ACACB: variants seen among roughly 807,000 people sequenced by gnomAD.
The protein encoded by ACACB is acetyl-CoA carboxylase beta, also known as acetyl-CoA carboxylase 2.
Under a neutral mutation model 278.8 loss-of-function variants are expected in ACACB, and 209 were observed. The observed-to-expected ratio is 0.75, with a 90% CI of 0.67 to 0.84. The LOEUF is 0.84. Ranked by LOEUF, ACACB falls within the 40% of genes least tolerant of loss-of-function variation. The pLI, the probability that ACACB is intolerant of heterozygous loss-of-function variation, is 0.00. For synonymous variants in ACACB, 1,174 were observed against 1,285.6 expected, an observed-to-expected ratio of 0.91 and a Z score of 1.86; for missense variants, 2,850 against 3,269.0, an observed-to-expected ratio of 0.87 and a Z score of 3.13.
At chr12:109,116,032 C>T (rs967635968), upstream of ACACB, among the ~76,000 whole-genome samples, 92 of 152,214 alleles carry the variant, frequency 6.0e-4, no homozygotes, top group African/African-American at 1.9e-3. Flanking sequence ...GTAACTGCAG[C>T]GTGTGCTGAA....
In ACACB at chr12:109,264,310, T is replaced by C; in HGVS notation, c.6866T>C (p.Ile2289Thr). 2.5e-6 allele frequency: 4 copies of C among 1,614,114 alleles called. No homozygotes were observed. Among genetic ancestry groups the C allele is most frequent in the Non-Finnish European group, 3.4e-6 (4 of 1,180,018 alleles). The change falls in exon 50 of 53, where the codon ATC becomes ACC. Residue 2289 changes from isoleucine to threonine, a missense_variant. By Grantham distance (89) the Ile-to-Thr change is moderately conservative. Transcript: ENST00000338432. ...LKAREDLLLPIYHQVAVQFAD... is the reference protein window; with the variant it reads ...LKAREDLLLPTYHQVAVQFAD... ...GCTCGCGAGGACCTGCTGCTCCCCA[T>C]CTACCACCAGGTGGCGGTGCAGTTC... is the stretch of plus-strand genomic sequence containing the variant.
At chr12:109,256,326 T>A in intron 45 of ACACB, 90 bp downstream of exon 45, 1 of 994,664 alleles carries the variant, frequency 1.0e-6, no homozygotes, top group Non-Finnish European at 1.6e-6. Flanking sequence ...CCAGGGGCAA[T>A]TTTCTTCTTG....
At chr12:109,166,663 A>C (rs1456652349) in intron 2 of ACACB, among the ~76,000 whole-genome samples, 198 bp from the exon 3 acceptor site, 1 of 143,400 alleles carries the variant, frequency 7.0e-6, no homozygotes, top group African/African-American at 2.5e-5. Context: ...AAAAAAAAAA[A>C]AAAAAAAAAA....
chr12:109,233,600 C>T, intron 29 of ACACB, 148 bp from the exon 30 acceptor site: 1 of 664,800 alleles, frequency 1.5e-6, no homozygotes, highest in Non-Finnish European at 2.6e-6. Flanking sequence ...CAGGGAACCT[C>T]CTGAGCTCTG....
At chr12:109,155,472 A>G (rs966981732) in intron 2 of ACACB, among the ~76,000 whole-genome samples, 9 of 152,144 alleles carry the variant, frequency 5.9e-5, no homozygotes, top group Non-Finnish European at 7.4e-5. Context: ...TACCAAATTG[A>G]TGGTGTGTCT....
intron 2 of ACACB, among the ~76,000 whole-genome samples, chr12:109,147,738 G>A (rs1374069517): frequency 6.6e-6 from 1 of 152,090 alleles, no homozygotes; most frequent in African/African-American, 2.4e-5. Context: ...GCTGCAACAA[G>A]CTTGCCAAAG....
chr12:109,131,457 C>T (rs1354945633), intron 1 of ACACB: 1 of 152,712 alleles, frequency 6.5e-6, no homozygotes, highest in Non-Finnish European at 1.5e-5. Context: ...GGGAGTTAAT[C>T]TTGGTGGGAG....
rs567729847 is a variant in ACACB, at chr12:109,118,241, G to A, written c.-10+1537G>A. On this transcript the variant is annotated intron_variant, in intron 1 of 52. Transcript: ENST00000338432. ...GCTCTTAAGAGTTTTATTTGCTCCTGCTCAGGTGTTGTGTAAACTCGCTCA... is the reference window on the plus strand; with the variant it reads ...GCTCTTAAGAGTTTTATTTGCTCCTACTCAGGTGTTGTGTAAACTCGCTCA... Among the ~76,000 whole-genome samples the A allele has an allele frequency of 2.0e-5, 3 of 152,202 alleles. No homozygotes were observed. In the South Asian group the frequency reaches 6.2e-4, roughly 32 times the overall value.
At chr12:109,242,416 T>G (rs1430594059) in intron 36 of ACACB, 21 bp from the exon 37 acceptor site, 9 of 1,610,018 alleles carry the variant, frequency 5.6e-6, no homozygotes, top group African/African-American at 1.3e-5. Context: ...CACTCTCTGT[T>G]TTCCCTCCTT....
intron 1 of ACACB, among the ~76,000 whole-genome samples, chr12:109,134,793 C>G (rs1160365064): frequency 2.6e-5 from 4 of 152,114 alleles, no homozygotes; most frequent in Non-Finnish European, 4.4e-5. Flanking sequence ...TTTTGGTTGT[C>G]CCAGCTGATG....
rs138720409 is a variant in ACACB at position 109,227,385 on chromosome 12, G to C, written c.3897G>C (p.Arg1299Ser). The change falls in exon 28 of 53, where the codon AGG becomes AGC. Residue 1299 changes from arginine (R) to serine (S), a missense_variant. Physicochemically the swap from Arg to Ser is moderately radical, Grantham distance 110 (BLOSUM62 -1). Around this residue, in one of 3 missense-constraint regions of ACACB, gnomAD observed 2,265 missense variants for 2,561.3 expected, o/e 0.88. Coordinates refer to ENST00000338432, the MANE Select transcript of ACACB (RefSeq NM_001093.4). Reference protein sequence around the residue: ...CMASLEVYVRRGYIAYELNSL... With the variant: ...CMASLEVYVRSGYIAYELNSL... ...TGCCTTGTCAGGTTTACGTGCGGAG[G>C]GGCTACATCGCCTATGAGTTAAACA... The C allele has an allele frequency of 6.2e-7, 1 of 1,612,282 alleles. No homozygotes were observed. Among genetic ancestry groups the C allele is most frequent in the East Asian group, 2.2e-5 (1 of 44,824 alleles).
intron 17 of ACACB, among the ~76,000 whole-genome samples, chr12:109,197,494 G>T (rs1268780030): frequency 6.6e-6 from 1 of 152,152 alleles, no homozygotes; most frequent in Non-Finnish European, 1.5e-5. Flanking sequence ...AGTTAGTGCG[G>T]CAGTGACCTA....
intron 2 of ACACB, 113 bp from the exon 3 acceptor site, chr12:109,166,748 A>G (rs2043919050): frequency 2.3e-6 from 3 of 1,327,614 alleles, no homozygotes; most frequent in East Asian, 5.9e-5. Context: ...AGTGCAAAGC[A>G]GGGGGGCTCT....
At chr12:109,210,222 T>C (rs370832206) in intron 21 of ACACB, among the ~76,000 whole-genome samples, 2,327 of 11,358 alleles carry the variant, frequency 0.2, 350 homozygotes, top group Non-Finnish European at 0.24. Context: ...TATACACACA[T>C]GTGTGTATAT....
At chr12:109,217,291 A>G (rs752373832) in intron 24 of ACACB, among the ~76,000 whole-genome samples, 2 of 151,980 alleles carry the variant, frequency 1.3e-5, no homozygotes, top group Non-Finnish European at 2.9e-5. Context: ...CAAAAAATAA[A>G]TAAAAGAAAA....
chr12:109,265,167 C>T lies in ACACB; in HGVS notation c.7000C>T (p.Leu2334Phe). The T allele has an allele frequency of 6.2e-7, 1 of 1,613,928 alleles. No homozygotes were observed. ...TFLYWRLRRLLLEDQVKQEIL... is the reference protein window; with the variant it reads ...TFLYWRLRRLFLEDQVKQEIL... ...CCTGTATTGGCGTCTGCGCCGCCTC[C>T]TCCTGGAGGACCAGGTCAAGCAGGA... The change falls in exon 51 of 53, where the codon CTC (leucine) becomes TTC (phenylalanine). Residue 2334 changes from leucine (L) to phenylalanine (F), a missense_variant. Leu to Phe is a conservative substitution (Grantham distance 22). This residue lies in a region of ACACB where 579 missense variants were observed against 684.6 expected (regional missense o/e 0.85). Transcript: ENST00000338432.
chr12:109,197,204 T>C, intron 17 of ACACB, 51 bp downstream of exon 17: 2 of 1,562,462 alleles, frequency 1.3e-6, no homozygotes, highest in South Asian at 2.4e-5. Context: ...CAGCTCTCTG[T>C]CCTAGGCATG....
chr12:109,206,996 T>A (rs2045538981), intron 20 of ACACB, 140 bp downstream of exon 20: 1 of 1,102,442 alleles, frequency 9.1e-7, no homozygotes, highest in Non-Finnish European at 1.3e-6. Flanking sequence ...TATTTTATTT[T>A]TTCAGACAAG....
chr12:109,129,400 A>G (rs1593364998), intron 1 of ACACB, among the ~76,000 whole-genome samples: 1 of 152,332 alleles, frequency 6.6e-6, no homozygotes, highest in Non-Finnish European at 1.5e-5. Flanking sequence ...GGCCACACAC[A>G]TGCCAGTGAC....
Sources: gnomAD v4.1 joint callset for allele counts (sites outside exome capture counted in the v4.1 genomes callset) on GRCh38, gnomAD v4.1.1 for gene constraint, gnomAD v4.1.1 regional missense constraint, MANE v1.5 for transcripts, NCBI Gene and HGNC (gene_info 2026-07-23, HGNC 2026-07-21) for gene names.